Variants in EVA1C observed in about 807,000 individuals in gnomAD.
The protein encoded by EVA1C is protein eva-1 homolog C.
In EVA1C, 25 loss-of-function variants were observed where a neutral mutation model predicts 45.4. The observed-to-expected ratio is 0.55, with a 90% confidence interval of 0.40 to 0.77. EVA1C has a LOEUF of 0.77. EVA1C is among the 30% of genes least tolerant of loss of function. The probability of loss-of-function intolerance (pLI) is 0.00; values close to 1 mark genes in which losing one functional copy is unlikely to be tolerated. For synonymous variants in EVA1C, 190 were observed against 221.2 expected (o/e 0.86, Z 1.25); for missense variants, 479 against 554.8 (o/e 0.86, Z 1.37).
At chr21:32,511,307 G>A (rs1652062571) in intron 7 of EVA1C, among the ~76,000 whole-genome samples, 1 of 151,408 alleles carries the variant, frequency 6.6e-6, no homozygotes, top group Non-Finnish European at 1.5e-5. Flanking sequence ...CCAGCTACTT[G>A]GGAGGCTGAG....
intron 1 of EVA1C, among the ~76,000 whole-genome samples, chr21:32,427,340 G>C (rs2034526950): frequency 6.6e-6 from 1 of 152,156 alleles, no homozygotes; most frequent in African/African-American, 2.4e-5. Context: ...ATATAGTTTG[G>C]AAACGCAGGC....
At chr21:32,425,396 C>T (rs917705727) in intron 1 of EVA1C, among the ~76,000 whole-genome samples, 1 of 150,514 alleles carries the variant, frequency 6.6e-6, no homozygotes, top group African/African-American at 2.5e-5. Context: ...ATTGCCCAGG[C>T]TGGTCTCAAA....
At chr21:32,471,566 T>C (rs2036377107) in intron 4 of EVA1C, among the ~76,000 whole-genome samples, 1 of 151,870 alleles carries the variant, frequency 6.6e-6, no homozygotes, top group Admixed American at 6.6e-5. Flanking sequence ...CCTCAGGTGA[T>C]CCACCCACCC....
At chr21:32,463,025 T>C (rs1016706905) in intron 3 of EVA1C, among the ~76,000 whole-genome samples, 12 of 152,310 alleles carry the variant, frequency 7.9e-5, no homozygotes, top group African/African-American at 2.9e-4. Flanking sequence ...GCCACTGGTT[T>C]AGGGTCTCCC....
intron 7 of EVA1C, among the ~76,000 whole-genome samples, chr21:32,512,689 T>A (rs2146480403): frequency 6.6e-6 from 1 of 152,250 alleles, no homozygotes; most frequent in African/African-American, 2.4e-5. Context: ...TATAAATGGA[T>A]GGGATTCAGC....
chr21:32,440,548 T>G (rs2035136390), intron 1 of EVA1C, among the ~76,000 whole-genome samples: 1 of 152,186 alleles, frequency 6.6e-6, no homozygotes, highest in Admixed American at 6.5e-5. Context: ...ATCTAAGGAT[T>G]GTAATACAAG....
intron 1 of EVA1C, among the ~76,000 whole-genome samples, chr21:32,425,980 G>T (rs992604488): frequency 1.3e-5 from 2 of 151,526 alleles, no homozygotes; most frequent in African/African-American, 4.8e-5. Context: ...TTTTAAATCA[G>T]AGTTGAGTCT....
Position 32,438,049 on chromosome 21 carries a change from T to C in EVA1C, c.161-15263T>C, listed in dbSNP as rs146000847. Among the ~76,000 whole-genome samples the C allele has an allele frequency of 5.4e-3, 822 of 152,312 alleles. 9 individuals carry two copies. Among genetic ancestry groups the C allele is most frequent in the African/African-American group, 0.019 (780 of 41,566 alleles). On this transcript the variant is annotated intron_variant, in intron 1 of 7. Transcript: ENST00000300255. ...GTTTTTTGAAGCCCTGCTTTCCTTC[T>C]CACAGCTTTGCTCACCCCCACCCTG...
At chr21:32,454,101 C>T (rs555145779) in intron 2 of EVA1C, among the ~76,000 whole-genome samples, 1 of 152,242 alleles carries the variant, frequency 6.6e-6, no homozygotes, top group South Asian at 2.1e-4. Flanking sequence ...TGGTGGCACG[C>T]ACCTGTAGTC....
At position 32,509,176 on chromosome 21, in the gene EVA1C, G is replaced by C. The variant is rs7282191; in HGVS notation, c.949+5161G>C. On this transcript the variant is annotated intron_variant, in intron 7 of 7. Coordinates refer to ENST00000300255, the MANE Select transcript of EVA1C (RefSeq NM_058187.5). ...ACAAGTGACTTGGCTACAACAAGAG[G>C]GGTTGGACCAGCTCATCACTAAGAT... Among the ~76,000 whole-genome samples, 676 of 152,280 alleles carry C rather than the reference G, an allele frequency of 4.4e-3. 3 individuals are homozygous for C. The highest frequency in any genetic ancestry group is 0.016 in the African/African-American group (657 of 41,554).
intron 4 of EVA1C, among the ~76,000 whole-genome samples, chr21:32,475,877 CT>C (rs200160200): frequency 1.4e-5 from 1 of 73,134 alleles, no homozygotes; most frequent in Admixed American, 1.8e-4. Flanking sequence ...TTTCTAAAAA[CT>C]TTATCTATCT....
At chr21:32,473,916 C>A in intron 4 of EVA1C, 1 of 985,396 alleles carries the variant, frequency 1.0e-6, no homozygotes, top group Non-Finnish European at 1.2e-6. Context: ...GTCTTTCAGC[C>A]TTTTTGTGCC....
chr21:32,468,386 AC>A (rs113891508), intron 4 of EVA1C, among the ~76,000 whole-genome samples: 2 of 130,384 alleles, frequency 1.5e-5, no homozygotes, highest in African/African-American at 5.6e-5. Context: ...AAACAAACAA[AC>A]AAACAAAAAA....
intron 4 of EVA1C, among the ~76,000 whole-genome samples, chr21:32,478,897 A>G (rs2036678062): frequency 6.6e-6 from 1 of 152,262 alleles, no homozygotes; most frequent in Non-Finnish European, 1.5e-5. Flanking sequence ...GGCCACTCCG[A>G]GGCCAAGTGT....
At chr21:32,449,526 T>C (rs1329517937) in intron 1 of EVA1C, among the ~76,000 whole-genome samples, 2 of 152,214 alleles carry the variant, frequency 1.3e-5, no homozygotes, top group African/African-American at 4.8e-5. Context: ...GGTTTCTCCA[T>C]GTCTTTTTGT....
intron 5 of EVA1C, among the ~76,000 whole-genome samples, chr21:32,495,479 AC>A (rs573071237): frequency 8.1e-4 from 124 of 152,276 alleles, no homozygotes; most frequent in African/African-American, 2.7e-3. Flanking sequence ...TGTCACTGAG[AC>A]CAGTGATTTT....
intron 1 of EVA1C, among the ~76,000 whole-genome samples, chr21:32,413,746 G>A (rs1040204018): frequency 2.6e-5 from 4 of 152,188 alleles, no homozygotes; most frequent in African/African-American, 4.8e-5. Flanking sequence ...CTAGGTTGAC[G>A]ATAGCCATAG....
At chr21:32,498,698 AG>A (rs2037434166) in intron 5 of EVA1C, among the ~76,000 whole-genome samples, 1 of 152,114 alleles carries the variant, frequency 6.6e-6, no homozygotes, top group Admixed American at 6.6e-5. Flanking sequence ...GCTGCACACT[AG>A]GGGCCGAGAC....
chr21:32,425,572 T>C (rs2034459404), intron 1 of EVA1C, among the ~76,000 whole-genome samples: 1 of 152,146 alleles, frequency 6.6e-6, no homozygotes, highest in Non-Finnish European at 1.5e-5. Flanking sequence ...CAGATTTCTG[T>C]GTCTCTCCCT....
Sources: allele counts gnomAD v4.1 joint callset (sites outside exome capture counted in the v4.1 genomes callset), GRCh38; gene constraint gnomAD v4.1.1; transcripts MANE v1.5; gene names NCBI Gene and HGNC (gene_info 2026-07-23, HGNC 2026-07-21).